The following DOCK9 variants were observed in gnomAD, a reference collection of about 807,000 sequenced individuals.
DOCK9 encodes dedicator of cytokinesis protein 9.
In DOCK9, 89 loss-of-function variants were observed where a neutral mutation model predicts 263.3. That is an observed-to-expected ratio of 0.34 (90% CI 0.28 to 0.40). The LOEUF is 0.40. Among genes scored for constraint, DOCK9 ranks in the 10% least tolerant of loss-of-function variants. The pLI, the probability that DOCK9 is intolerant of heterozygous loss-of-function variation, is 1.00. For synonymous variants in DOCK9, 976 were observed against 973.1 expected (o/e 1.00, Z -0.06); for missense variants, 2,140 against 2,603.4 (o/e 0.82, Z 3.87).
intron 1 of DOCK9, among the ~76,000 whole-genome samples, chr13:98,993,255 G>C (rs1160055228): frequency 1.3e-5 from 2 of 152,100 alleles, no homozygotes; most frequent in Non-Finnish European, 2.9e-5. Context: ...GCATAATATG[G>C]TAACTTGATC....
intron 1 of DOCK9, among the ~76,000 whole-genome samples, chr13:98,997,194 G>A (rs1274975002): frequency 6.6e-6 from 1 of 152,244 alleles, no homozygotes; most frequent in Non-Finnish European, 1.5e-5. Context: ...TGTGTCTGCT[G>A]CCTGCAGGCC....
At chr13:98,893,001 T>C (rs1387145077) in intron 15 of DOCK9, among the ~76,000 whole-genome samples, 1 of 151,048 alleles carries the variant, frequency 6.6e-6, no homozygotes, top group Non-Finnish European at 1.5e-5. Context: ...ATGAGTAGAG[T>C]TCCCTGAGAA....
At chr13:99,053,821 C>T (rs1006030120) in intron 1 of DOCK9, among the ~76,000 whole-genome samples, 25 of 152,024 alleles carry the variant, frequency 1.6e-4, no homozygotes, top group African/African-American at 5.6e-4. Flanking sequence ...ACAAGAGGAG[C>T]GAAGCACCCC....
intron 18 of DOCK9, among the ~76,000 whole-genome samples, chr13:98,887,401 G>A (rs1310901685): frequency 2.0e-5 from 3 of 150,546 alleles, no homozygotes; most frequent in Admixed American, 6.6e-5. Context: ...CAGATCACAC[G>A]GTCAGGAGAT....
chr13:99,017,632 G>C (rs1274697231), intron 1 of DOCK9, among the ~76,000 whole-genome samples: 9 of 152,154 alleles, frequency 5.9e-5, no homozygotes. Context: ...TAAAACAAGA[G>C]TCTAAATCAG....
At chr13:98,866,079 G>A (rs2094013068) in intron 30 of DOCK9, among the ~76,000 whole-genome samples, 1 of 152,134 alleles carries the variant, frequency 6.6e-6, no homozygotes, top group Admixed American at 6.5e-5. Context: ...GCGGGTGCTT[G>A]GCTCACCCCT....
intron 47 of DOCK9, chr13:98,808,570 C>T: frequency 9.6e-7 from 1 of 1,044,700 alleles, no homozygotes; most frequent in Non-Finnish European, 1.5e-6. Flanking sequence ...AAAACATCCA[C>T]ATCAAACTAG....
intron 44 of DOCK9, among the ~76,000 whole-genome samples, chr13:98,826,542 TTAGCTC>T (rs2092547221): frequency 6.6e-6 from 1 of 152,250 alleles, no homozygotes; most frequent in African/African-American, 2.4e-5. Flanking sequence ...TAGTATCTTC[TTAGCTC>T]TAGATTTGGC....
At chr13:98,809,324 C>T in intron 47 of DOCK9, 28 bp downstream of exon 47, 1 of 1,558,040 alleles carries the variant, frequency 6.4e-7, no homozygotes, top group Non-Finnish European at 8.8e-7. Flanking sequence ...GGACTTAGGA[C>T]AGTCTGCAGA....
chr13:99,038,853 T>G (rs568865883), intron 1 of DOCK9, among the ~76,000 whole-genome samples: 23 of 152,328 alleles, frequency 1.5e-4, no homozygotes, highest in Non-Finnish European at 2.6e-4. Context: ...GTCCTCCTAA[T>G]TCCACTATGA....
intron 1 of DOCK9, among the ~76,000 whole-genome samples, chr13:98,955,996 G>A (rs1027926000): frequency 6.6e-6 from 1 of 152,196 alleles, no homozygotes; most frequent in African/African-American, 2.4e-5. Flanking sequence ...TTTCAGACAA[G>A]GGGCTCCAAG....
intron 2 of DOCK9, among the ~76,000 whole-genome samples, chr13:98,936,122 TG>T (rs967120490): frequency 3.9e-5 from 6 of 152,188 alleles, no homozygotes; most frequent in Non-Finnish European, 8.8e-5. Context: ...TGAAACACTC[TG>T]GGTGACCAAA....
At chr13:99,022,096 T>C (rs1886185921) in intron 1 of DOCK9, among the ~76,000 whole-genome samples, 3 of 152,222 alleles carry the variant, frequency 2.0e-5, no homozygotes, top group African/African-American at 7.2e-5. Context: ...TTTCGACTTA[T>C]TGCATATTTA....
intron 38 of DOCK9, among the ~76,000 whole-genome samples, chr13:98,840,647 G>C (rs1440309634): frequency 6.6e-6 from 1 of 152,148 alleles, no homozygotes; most frequent in Admixed American, 6.5e-5. Context: ...CCACCACCAT[G>C]ACATCAGAGG....
intron 1 of DOCK9, among the ~76,000 whole-genome samples, chr13:99,070,435 C>T (rs1170073978): frequency 1.3e-5 from 2 of 152,194 alleles, no homozygotes; most frequent in African/African-American, 2.4e-5. Flanking sequence ...TGTGACCACA[C>T]GCATTTCTGC....
intron 9 of DOCK9, among the ~76,000 whole-genome samples, chr13:98,905,936 T>G (rs1439720407): frequency 6.6e-6 from 1 of 152,138 alleles, no homozygotes. Flanking sequence ...GCCCACAATG[T>G]CTTTCTTGGG....
At chr13:98,822,668 AAAACAAACAAAC>A (rs71114552) in intron 45 of DOCK9, among the ~76,000 whole-genome samples, 1 of 151,162 alleles carries the variant, frequency 6.6e-6, no homozygotes, top group Non-Finnish European at 1.5e-5. Flanking sequence ...AGTAAAAAGT[AAAACAAACAAAC>A]AAACAAACAA....
rs544550784 is a variant in DOCK9 at position 98,852,547 on chromosome 13, C to A, written c.3946+861G>T. Among the ~76,000 whole-genome samples the A allele has an allele frequency of 5.9e-5, 9 of 152,200 alleles. No individual in the cohort carries two copies. In the South Asian group the frequency reaches 1.7e-3, roughly 28 times the overall value. On this transcript the variant is annotated intron_variant, in intron 35 of 52. Coordinates refer to ENST00000682017, the MANE Select transcript of DOCK9 (RefSeq NM_001366683.2). The stretch of plus-strand genomic sequence containing the variant: ...CACTGGATGTTTAGTACACACCTCC[C>A]GCCCCCAGATATAAGCAGCACAAGA...
chr13:98,846,572 G>A (rs761068284), intron 37 of DOCK9: 1 of 1,351,978 alleles, frequency 7.4e-7, no homozygotes, highest in Non-Finnish European at 9.8e-7. Context: ...CAGCAGTCAA[G>A]TAGAGAAAAC....
Sources: gnomAD v4.1 joint callset for allele counts (sites outside exome capture counted in the v4.1 genomes callset) on GRCh38, gnomAD v4.1.1 for gene constraint, MANE v1.5 for transcripts, NCBI Gene and HGNC (gene_info 2026-07-23, HGNC 2026-07-21) for gene names.